The following DNMT3L variants were observed in gnomAD, a reference collection of about 807,000 sequenced individuals.
The protein encoded by DNMT3L is DNA (cytosine-5)-methyltransferase 3-like.
In DNMT3L, 33 loss-of-function variants were observed where a neutral mutation model predicts 36.2. The ratio of observed to expected loss-of-function variants is 0.91; its 90% CI spans 0.69 to 1.22. The LOEUF is 1.22. DNMT3L is among the 50% of genes most tolerant of loss of function. DNMT3L has a pLI of 0.00. For synonymous variants in DNMT3L, 117 were observed against 121.7 expected (o/e 0.96, Z 0.26); for missense variants, 310 against 303.1 (o/e 1.02, Z -0.17).
chr21:44,258,150 G>C lies in DNMT3L; in HGVS notation c.516+373C>G, dbSNP rs1397120444. Among the ~76,000 whole-genome samples the C allele has an allele frequency of 6.6e-6, 1 of 152,142 alleles. No individual in the cohort carries two copies. Among genetic ancestry groups the C allele is most frequent in the Non-Finnish European group, 1.5e-5 (1 of 68,026 alleles). On this transcript the variant is annotated intron_variant, in intron 6 of 11. Coordinates refer to ENST00000628202, the MANE Select transcript of DNMT3L (RefSeq NM_175867.3). The surrounding 1 kb of genome is among the most constrained non-coding windows in gnomAD (Gnocchi z 6.2). ...AATTCCACCTTCTCTGCCTTTGTCT[G>C]AGGTTCCTGCCGGCCCCCCTGGCTC...
intron 2 of DNMT3L, 115 bp from the exon 3 acceptor site, chr21:44,260,954 C>T (rs2040312141): frequency 6.7e-7 from 1 of 1,496,686 alleles, no homozygotes; most frequent in Non-Finnish European, 9.2e-7. Context: ...GCCTGAGGTC[C>T]CCTGCCATCC....
intron 7 of DNMT3L, among the ~76,000 whole-genome samples, chr21:44,255,493 G>A (rs1426598985): frequency 8.5e-6 from 1 of 116,982 alleles, no homozygotes; most frequent in Non-Finnish European, 1.7e-5. Context: ...GCAACAGAGC[G>A]AGACTCCGCC....
Position 44,259,557 on chromosome 21 carries a change from G to A in DNMT3L, c.232-8C>T, listed in dbSNP as rs1489723831. ...GGCATCCAGGAACTTGTCCTTGGAA[G>A]GAGCAAAGCAAGGCTGGCTTGTGTC... On this transcript the variant is annotated splice_region_variant and splice_polypyrimidine_tract_variant and intron_variant, in intron 4 of 11. Transcript: ENST00000628202. The A allele has an allele frequency of 6.2e-6, 10 of 1,613,584 alleles. No individual in the cohort carries two copies. The Admixed American group carries it at 6.7e-5, about 11-fold the overall frequency.
At chr21:44,255,661 T>C (rs968447) in intron 7 of DNMT3L, among the ~76,000 whole-genome samples, 97,502 of 152,068 alleles carry the variant, frequency 0.64, 31,744 homozygotes, top group East Asian at 0.8. Context: ...GAGGAGGCCC[T>C]GGCTTTCTCA....
chr21:44,260,281 A>G (rs1419047384), intron 3 of DNMT3L, among the ~76,000 whole-genome samples: 1 of 152,166 alleles, frequency 6.6e-6, no homozygotes, highest in Non-Finnish European at 1.5e-5. Flanking sequence ...AGAAGGGGGA[A>G]TTTGGAGTGA....
In DNMT3L at chr21:44,258,985, G is replaced by A. The variant is rs145195503; in HGVS notation, c.345-291C>T. Among the ~76,000 whole-genome samples, 256 of 152,254 alleles carry A rather than the reference G, an allele frequency of 1.7e-3. 1 individual carries two copies. Among genetic ancestry groups the A allele is most frequent in the African/African-American group, 5.8e-3 (243 of 41,540 alleles). On this transcript the variant is annotated intron_variant, in intron 5 of 11. Transcript: ENST00000628202. This position sits in a 1 kb window ranked among gnomAD's most constrained non-coding sequence, Gnocchi z 6.2. ...CCAAACTCGAGCCTGCAGAAACAGC[G>A]TAGGGACTCCCAGCAAAACCAAATG... is the stretch of plus-strand genomic sequence containing the variant.
intron 6 of DNMT3L, among the ~76,000 whole-genome samples, chr21:44,256,942 G>C (rs983332859): frequency 2.0e-5 from 3 of 152,180 alleles, no homozygotes; most frequent in African/African-American, 7.2e-5. Context: ...AGGGAGAGAT[G>C]ACTTCGTTCA....
rs756517939 is a variant in DNMT3L, at chr21:44,261,138, G to A, written c.106+16C>T. 5.0e-6 allele frequency: 8 copies of A among 1,611,716 alleles called. No individual in the cohort carries two copies. Among genetic ancestry groups the A allele is most frequent in the Non-Finnish European group, 6.8e-6 (8 of 1,179,158 alleles). Reference sequence around the variant, plus strand: ...GCATCCTAAGTGACTGGTCCAATAAGCAGATGAGCCCTCACCTCTGCCTGT... The same window carrying A: ...GCATCCTAAGTGACTGGTCCAATAAACAGATGAGCCCTCACCTCTGCCTGT... On this transcript the variant is annotated intron_variant, in intron 2 of 11. Coordinates refer to ENST00000628202, the MANE Select transcript of DNMT3L (RefSeq NM_175867.3).
At chr21:44,260,618 A>G (rs2040308679) in intron 3 of DNMT3L, among the ~76,000 whole-genome samples, 177 bp downstream of exon 3, 1 of 151,974 alleles carries the variant, frequency 6.6e-6, no homozygotes, top group Non-Finnish European at 1.5e-5. Context: ...ATGCCTGGTT[A>G]ATTTTTATTT....
chr21:44,259,668 G>GT lies in DNMT3L; in HGVS notation c.194dup (p.His65GlnfsTer5). ...CGCAGATCCCTCCCTCAAACAGAGG[G>GT]TGCTGTGTGTGAACCTGGAGACTTC... On this transcript the variant is annotated frameshift_variant, in exon 4 of 12. Transcript: ENST00000628202. LOFTEE classifies it high-confidence loss of function. 1 of 1,613,054 alleles carries GT rather than the reference G, an allele frequency of 6.2e-7. No individual in the cohort carries two copies. The highest frequency in any genetic ancestry group is 8.5e-7 in the Non-Finnish European group (1 of 1,179,742).
In DNMT3L at chr21:44,256,099, C is replaced by G; in HGVS notation, c.572G>C (p.Arg191Pro). The G allele has an allele frequency of 6.2e-7, 1 of 1,613,918 alleles. No homozygotes were observed. The highest frequency in any genetic ancestry group is 8.5e-7 in the Non-Finnish European group (1 of 1,179,982). Residue 191 changes from arginine to proline, a missense_variant, in exon 7 of 12, where the codon CGG (arginine) becomes CCG (proline). By Grantham distance (103) the Arg-to-Pro change is moderately radical. Coordinates refer to ENST00000628202, the MANE Select transcript of DNMT3L (RefSeq NM_175867.3). ...TVPVWRRQPV[R>P]VLSLFEDIKK... ...GATGTCTTCAAAAAGGGACAGCACC[C>G]GGACTGGCTGTCTCCTCCACACAGG...
At chr21:44,256,250 C>T in intron 6 of DNMT3L, 96 bp from the exon 7 acceptor site, 2 of 1,267,232 alleles carry the variant, frequency 1.6e-6, no homozygotes, top group Non-Finnish European at 2.3e-6. Context: ...TGAACACTCA[C>T]TCGAGACTCA....
intron 7 of DNMT3L, 43 bp downstream of exon 7, chr21:44,256,024 G>A (rs377424986): frequency 6.2e-7 from 1 of 1,606,094 alleles, no homozygotes; most frequent in Non-Finnish European, 8.5e-7. Flanking sequence ...CAGGTGTTTA[G>A]AGGCATCTTT....
At chr21:44,253,199 C>T (rs1469149390) in intron 8 of DNMT3L, among the ~76,000 whole-genome samples, 1 of 51,500 alleles carries the variant, frequency 1.9e-5, no homozygotes, top group African/African-American at 8.3e-5. Context: ...AGGGCAGAGC[C>T]TTCCCTGCTG....
chr21:44,255,921 A>C, intron 7 of DNMT3L, 146 bp downstream of exon 7: 11 of 733,800 alleles, frequency 1.5e-5, no homozygotes, highest in Non-Finnish European at 2.0e-5. Flanking sequence ...CAGGGTTAGC[A>C]TGGGCCCAGG....
At chr21:44,253,316 T>C (rs2040233711) in intron 8 of DNMT3L, among the ~76,000 whole-genome samples, 1 of 124,536 alleles carries the variant, frequency 8.0e-6, no homozygotes, top group South Asian at 3.1e-4. Context: ...CACCCAACAA[T>C]CTTGCCTGAA....
chr21:44,261,030 C>A, intron 2 of DNMT3L, 124 bp downstream of exon 2: 2 of 1,394,930 alleles, frequency 1.4e-6, no homozygotes, highest in East Asian at 4.6e-5. Context: ...GGTGGGGAAC[C>A]TCCTGCCCCA....
intron 7 of DNMT3L, among the ~76,000 whole-genome samples, chr21:44,255,521 G>T (rs2040250810): frequency 7.3e-6 from 1 of 137,832 alleles, no homozygotes; most frequent in Non-Finnish European, 1.6e-5. Context: ...AAAAAAGGAT[G>T]TCAAGGACTG....
At chr21:44,261,381 A>G in intron 1 of DNMT3L, 115 bp from the exon 2 acceptor site, 4 of 958,230 alleles carry the variant, frequency 4.2e-6, no homozygotes, top group Non-Finnish European at 6.3e-6. Flanking sequence ...AGTTCAGGCC[A>G]CCTGAACCCC....
Sources: allele counts gnomAD v4.1 joint callset (sites outside exome capture counted in the v4.1 genomes callset), GRCh38; gene constraint gnomAD v4.1.1; non-coding constraint Gnocchi (gnomAD v3.1); transcripts MANE v1.5; gene names NCBI Gene and HGNC (gene_info 2026-07-23, HGNC 2026-07-21).